Variants in MRTFB observed in about 807,000 individuals in gnomAD.
MRTFB encodes myocardin-related transcription factor B.
Under a neutral mutation model 104.2 loss-of-function variants are expected in MRTFB, and 29 were observed. That is an observed-to-expected ratio of 0.28 (90% confidence interval 0.21 to 0.38). The LOEUF is 0.38. Among genes scored for constraint, MRTFB ranks in the 10% least tolerant of loss-of-function variants. The pLI is 1.00. For synonymous variants in MRTFB, 535 were observed against 519.5 expected (o/e 1.03, Z -0.41); for missense variants, 1,270 against 1,341.6 (o/e 0.95, Z 0.83).
intron 2 of MRTFB, among the ~76,000 whole-genome samples, chr16:14,093,239 A>C: frequency 7.4e-6 from 1 of 135,292 alleles, no homozygotes; most frequent in South Asian, 2.1e-4. Context: ...TACTTGAGAG[A>C]TGGATTTTTT....
At chr16:14,126,706 G>A (rs537911601) in intron 2 of MRTFB, among the ~76,000 whole-genome samples, 2 of 152,076 alleles carry the variant, frequency 1.3e-5, no homozygotes, top group African/African-American at 4.8e-5. Flanking sequence ...AAGTACGTTT[G>A]TCACCCCCAG....
At chr16:14,007,075 G>A in the MRTFB span, among the ~76,000 whole-genome samples, 12 of 152,216 alleles carry the variant, frequency 7.9e-5, no homozygotes, top group East Asian at 7.7e-4. Context: ...TTCGTACACC[G>A]TACAAGTCAC....
the MRTFB span, among the ~76,000 whole-genome samples, chr16:14,031,001 A>G: frequency 6.6e-6 from 1 of 152,198 alleles, no homozygotes; most frequent in Non-Finnish European, 1.5e-5. Context: ...ATATAATAAA[A>G]GTTGGGGAAT....
At chr16:14,111,679 A>G (rs1239010537) in intron 2 of MRTFB, among the ~76,000 whole-genome samples, 2 of 152,146 alleles carry the variant, frequency 1.3e-5, no homozygotes, top group Non-Finnish European at 2.9e-5. Context: ...GAAGAGGCAA[A>G]CAAGAGGGAG....
intron 2 of MRTFB, among the ~76,000 whole-genome samples, chr16:14,091,292 C>T (rs866097289): frequency 5.9e-5 from 9 of 152,136 alleles, no homozygotes; most frequent in African/African-American, 1.9e-4. Flanking sequence ...AAACCTCACT[C>T]AAACTATCTT....
intron 8 of MRTFB, among the ~76,000 whole-genome samples, chr16:14,220,295 C>CAGTT (rs2041632479): frequency 6.6e-6 from 1 of 152,216 alleles, no homozygotes; most frequent in African/African-American, 2.4e-5. Flanking sequence ...CATTAACAAA[C>CAGTT]AGTTACACTT....
intron 8 of MRTFB, among the ~76,000 whole-genome samples, chr16:14,222,433 T>C (rs2041772732): frequency 6.6e-6 from 1 of 152,156 alleles, no homozygotes; most frequent in Admixed American, 6.5e-5. Flanking sequence ...ATTTTTTTTT[T>C]CTTTTAGCTC....
intron 3 of MRTFB, among the ~76,000 whole-genome samples, chr16:14,172,037 A>G (rs893691908): frequency 2.0e-5 from 3 of 152,110 alleles, no homozygotes; most frequent in African/African-American, 7.2e-5. Context: ...AATTTTATTC[A>G]TTTCTGAGTA....
intron 3 of MRTFB, among the ~76,000 whole-genome samples, chr16:14,165,153 A>G (rs971018621): frequency 6.6e-6 from 1 of 151,784 alleles, no homozygotes; most frequent in Admixed American, 6.6e-5. Flanking sequence ...TAGTATTAGT[A>G]GGTTGTAAGT....
the MRTFB span, among the ~76,000 whole-genome samples, chr16:14,039,396 A>C: frequency 1.3e-5 from 2 of 152,104 alleles, no homozygotes; most frequent in South Asian, 4.2e-4. Context: ...CTACAGGGAG[A>C]CTGTGGAATG....
chr16:14,022,508 T>G, the MRTFB span, among the ~76,000 whole-genome samples: 3 of 152,314 alleles, frequency 2.0e-5, no homozygotes, highest in African/African-American at 7.2e-5. Context: ...GTGATTCTCC[T>G]GCCTCAGCCT....
chr16:14,086,498 G>A (rs1463832207), intron 2 of MRTFB, among the ~76,000 whole-genome samples: 1 of 152,122 alleles, frequency 6.6e-6, no homozygotes, highest in Non-Finnish European at 1.5e-5. Context: ...TTAAATGTAG[G>A]CAGACTTGAA....
chr16:14,190,418 T>G lies in MRTFB; in HGVS notation c.155-19825T>G, dbSNP rs531181420. ...ATGACAACTGAAGAGTTGATAATTA[T>G]GAATTTTCAGGAAAAATCAAATAAA... On this transcript the variant is annotated intron_variant, in intron 3 of 16. Coordinates refer to ENST00000571589, the MANE Select transcript of MRTFB (RefSeq NM_001308142.2). Among the ~76,000 whole-genome samples the G allele has an allele frequency of 3.9e-5, 6 of 152,358 alleles. No homozygotes were observed. The South Asian group carries it at 1.2e-3, about 32-fold the overall frequency.
At chr16:14,076,081 C>G (rs1271630135) in intron 1 of MRTFB, among the ~76,000 whole-genome samples, 1 of 151,490 alleles carries the variant, frequency 6.6e-6, no homozygotes, top group Non-Finnish European at 1.5e-5. Context: ...ACTATATATA[C>G]TCTTTTTATA....
the MRTFB span, among the ~76,000 whole-genome samples, chr16:14,041,242 A>G: frequency 6.6e-6 from 1 of 152,220 alleles, no homozygotes; most frequent in Non-Finnish European, 1.5e-5. Context: ...TTAAGTGTTC[A>G]GTTTCATAGT....
chr16:14,010,473 T>A, the MRTFB span, among the ~76,000 whole-genome samples: 4 of 152,092 alleles, frequency 2.6e-5, no homozygotes, highest in African/African-American at 4.8e-5. Flanking sequence ...CATAATTTTT[T>A]AATTTTTTGT....
chr16:14,118,873 T>G (rs1212347281), intron 2 of MRTFB, among the ~76,000 whole-genome samples: 2 of 152,140 alleles, frequency 1.3e-5, no homozygotes, highest in Non-Finnish European at 2.9e-5. Context: ...TGGCTTGCTT[T>G]TTTCATTTAG....
At chr16:14,241,023 C>A (rs565331344) in intron 10 of MRTFB, 116 of 505,266 alleles carry the variant, frequency 2.3e-4, no homozygotes, top group African/African-American at 2.0e-3. Context: ...AACAAAGAAT[C>A]TGATTAATTT....
Position 14,264,607 on chromosome 16 carries a change from A to G in MRTFB, c.*3163A>G, listed in dbSNP as rs890856862. On this transcript the variant is annotated 3_prime_UTR_variant, in exon 17 of 17. Transcript: ENST00000571589. ...TTCATATGAATATTTTTGTAATTCTAAAAGAGATCTTATTTAAATTTCCTT... is the reference window on the plus strand; with the variant it reads ...TTCATATGAATATTTTTGTAATTCTGAAAGAGATCTTATTTAAATTTCCTT... The G allele has an allele frequency of 7.2e-5, 11 of 152,230 alleles. No homozygotes were observed. Among genetic ancestry groups the G allele is most frequent in the African/African-American group, 2.7e-4 (11 of 41,452 alleles). 9.4% of individuals were successfully genotyped at this position (152,230 alleles called of 1,614,324 possible).
Sources: gnomAD v4.1 joint callset for allele counts (sites outside exome capture counted in the v4.1 genomes callset) on GRCh38, gnomAD v4.1.1 for gene constraint, MANE v1.5 for transcripts, NCBI Gene and HGNC (gene_info 2026-07-23, HGNC 2026-07-21) for gene names.